GRID2: variants seen among roughly 807,000 people sequenced by gnomAD.
GRID2 encodes glutamate ionotropic receptor delta type subunit 2, also known as glutamate receptor ionotropic, delta-2.
A neutral mutation model predicts 114.8 loss-of-function variants in GRID2; 33 were observed. The observed-to-expected ratio is 0.29, with a 90% CI of 0.22 to 0.38. GRID2 has a LOEUF of 0.38. GRID2 is among the 10% of genes least tolerant of loss of function. The pLI is 1.00. For synonymous variants in GRID2, 505 were observed against 449.9 expected, an observed-to-expected ratio of 1.12 and a Z score of -1.55; for missense variants, 1,184 against 1,257.7, an observed-to-expected ratio of 0.94 and a Z score of 0.89.
At chr4:92,727,814 A>G (rs1325560795) in intron 2 of GRID2, among the ~76,000 whole-genome samples, 1 of 152,060 alleles carries the variant, frequency 6.6e-6, no homozygotes, top group Non-Finnish European at 1.5e-5. Context: ...TGACAAAGCA[A>G]TTTATGATTA....
At chr4:93,459,355 G>T (rs1390973315) in intron 11 of GRID2, among the ~76,000 whole-genome samples, 3 of 152,078 alleles carry the variant, frequency 2.0e-5, no homozygotes, top group African/African-American at 4.8e-5. Context: ...AGGAGAACAT[G>T]TTGTAGGTAT....
At chr4:92,950,867 G>C (rs1306607011) in intron 2 of GRID2, among the ~76,000 whole-genome samples, 2 of 152,118 alleles carry the variant, frequency 1.3e-5, no homozygotes, top group Non-Finnish European at 2.9e-5. Context: ...TTGTATTTCA[G>C]TTCTGGAGTG....
At chr4:92,402,665 A>G (rs771776849) in intron 1 of GRID2, among the ~76,000 whole-genome samples, 9 of 152,216 alleles carry the variant, frequency 5.9e-5, no homozygotes, top group Non-Finnish European at 1.2e-4. Flanking sequence ...AAACAAATGT[A>G]CATTCATCCA....
intron 8 of GRID2, among the ~76,000 whole-genome samples, chr4:93,308,227 G>A (rs1348156501): frequency 6.6e-6 from 1 of 152,194 alleles, no homozygotes; most frequent in Non-Finnish European, 1.5e-5. Flanking sequence ...GGCCGGAAGT[G>A]ATGGTTCAGT....
At chr4:93,241,297 A>G (rs1041033720) in intron 8 of GRID2, among the ~76,000 whole-genome samples, 2 of 151,834 alleles carry the variant, frequency 1.3e-5, no homozygotes, top group South Asian at 2.1e-4. Flanking sequence ...GCAATTAATA[A>G]GAGTTTTTGC....
At chr4:92,917,347 A>G (rs1341830396) in intron 2 of GRID2, among the ~76,000 whole-genome samples, 20 of 152,134 alleles carry the variant, frequency 1.3e-4, no homozygotes, top group Non-Finnish European at 1.5e-5. Context: ...TTTGCTGTGC[A>G]GAAGCCCTTT....
At chr4:92,342,926 C>T (rs1322666696) in intron 1 of GRID2, among the ~76,000 whole-genome samples, 1 of 151,978 alleles carries the variant, frequency 6.6e-6, no homozygotes, top group African/African-American at 2.4e-5. Flanking sequence ...TCACTGTGTA[C>T]ACCACGAATG....
At chr4:93,730,569 C>A (rs945350838) in intron 14 of GRID2, among the ~76,000 whole-genome samples, 5 of 152,180 alleles carry the variant, frequency 3.3e-5, no homozygotes, top group African/African-American at 1.2e-4. Context: ...TCCCCCCAAT[C>A]CCATTGCACT....
chr4:93,022,755 A>G (rs868097355), intron 2 of GRID2, among the ~76,000 whole-genome samples: 11 of 152,038 alleles, frequency 7.2e-5, no homozygotes, highest in African/African-American at 2.6e-4. Flanking sequence ...GTGAACTACT[A>G]AAGTATTATG....
chr4:92,369,519 C>T (rs1426633823), intron 1 of GRID2, among the ~76,000 whole-genome samples: 1 of 152,268 alleles, frequency 6.6e-6, no homozygotes, highest in East Asian at 1.9e-4. Context: ...ACTTTAAATG[C>T]TGCTGACTGA....
At position 92,652,939 on chromosome 4, in the gene GRID2, CAT is replaced by C. The variant is rs1285823274; in HGVS notation, c.244+62658_244+62659del. Among the ~76,000 whole-genome samples the C allele has an allele frequency of 7.4e-4, 49 of 66,190 alleles. 3 individuals carry two copies. The highest frequency in any genetic ancestry group is 1.2e-3 in the African/African-American group (24 of 19,514). The allele number at this position is 66,190 out of a possible 152,430, so 43.4% of individuals were successfully genotyped here. On this transcript the variant is annotated intron_variant, in intron 2 of 15. Transcript: ENST00000282020. ...ATAAATACATATAAATATATATAAA[CAT>C]ATATTTATAAATATATATAAACATA...
chr4:92,516,923 A>G (rs1281068502), intron 1 of GRID2, among the ~76,000 whole-genome samples: 1 of 152,066 alleles, frequency 6.6e-6, no homozygotes, highest in East Asian at 1.9e-4. Flanking sequence ...TTATTTATAA[A>G]AATATAATCA....
intron 8 of GRID2, among the ~76,000 whole-genome samples, chr4:93,349,463 T>C (rs1760575432): frequency 6.6e-6 from 1 of 152,070 alleles, no homozygotes; most frequent in Non-Finnish European, 1.5e-5. Context: ...CTCTCATTCA[T>C]GGAAATTTTC....
At chr4:93,623,007 A>G (rs1313836355) in intron 13 of GRID2, among the ~76,000 whole-genome samples, 2 of 152,162 alleles carry the variant, frequency 1.3e-5, no homozygotes, top group Non-Finnish European at 1.5e-5. Flanking sequence ...GATGTGACAT[A>G]GTGCTCTAAT....
At chr4:93,419,472 T>C (rs1385160452) in intron 9 of GRID2, among the ~76,000 whole-genome samples, 3 of 152,046 alleles carry the variant, frequency 2.0e-5, no homozygotes, top group African/African-American at 7.2e-5. Flanking sequence ...ACCTGTCCAA[T>C]ATATTGGCTG....
At chr4:92,839,901 A>G (rs1578276474) in intron 2 of GRID2, among the ~76,000 whole-genome samples, 1 of 152,044 alleles carries the variant, frequency 6.6e-6, no homozygotes, top group Admixed American at 6.6e-5. Flanking sequence ...GATCTGTTCA[A>G]TGCTGAAAGT....
chr4:92,532,576 G>T (rs973265268), intron 1 of GRID2, among the ~76,000 whole-genome samples: 1 of 151,994 alleles, frequency 6.6e-6, no homozygotes, highest in Non-Finnish European at 1.5e-5. Flanking sequence ...ATAATTGCCC[G>T]TGTGTAGAAT....
intron 4 of GRID2, among the ~76,000 whole-genome samples, chr4:93,161,305 C>T (rs1178545576): frequency 2.0e-5 from 3 of 151,842 alleles, no homozygotes; most frequent in African/African-American, 7.2e-5. Flanking sequence ...CCTTTAACTT[C>T]TGAGGTTTGA....
chr4:93,571,904 G>T (rs1273109295), intron 13 of GRID2, among the ~76,000 whole-genome samples: 1 of 152,086 alleles, frequency 6.6e-6, no homozygotes, highest in Admixed American at 6.6e-5. Flanking sequence ...TAACCTTCTA[G>T]ATCACTGGCA....
Sources: gnomAD v4.1 joint callset for allele counts (sites outside exome capture counted in the v4.1 genomes callset) on GRCh38, gnomAD v4.1.1 for gene constraint, MANE v1.5 for transcripts, NCBI Gene and HGNC (gene_info 2026-07-23, HGNC 2026-07-21) for gene names.